SLC9B2: variants seen among roughly 807,000 people sequenced by gnomAD.
The protein encoded by SLC9B2 is solute carrier family 9 member B2.
SLC9B2 carries 39 observed loss-of-function variants against 52.2 expected under a neutral mutation model. The observed-to-expected ratio is 0.75, with a 90% CI of 0.58 to 0.98. SLC9B2 has a LOEUF of 0.98. SLC9B2 is among the 50% of genes least tolerant of loss of function. SLC9B2 has a pLI of 0.00. For missense variants in SLC9B2, 626 were observed against 637.5 expected, an observed-to-expected ratio of 0.98 and a Z score of 0.19; for synonymous variants, 214 against 227.0, an observed-to-expected ratio of 0.94 and a Z score of 0.51.
intron 10 of SLC9B2, 50 bp from the exon 11 acceptor site, chr4:103,028,933 C>G: frequency 7.0e-7 from 1 of 1,423,046 alleles, no homozygotes; most frequent in Non-Finnish European, 9.3e-7. Context: ...AGGAGAGAAA[C>G]TGCATCTCAT....
At chr4:103,073,056 A>G (rs1394062632) in intron 1 of SLC9B2, among the ~76,000 whole-genome samples, 2 of 152,342 alleles carry the variant, frequency 1.3e-5, no homozygotes, top group East Asian at 1.9e-4. Context: ...AGAAGGCACC[A>G]TCTTGCAAGC....
At chr4:103,041,502 C>G (rs1198232551) in intron 9 of SLC9B2, among the ~76,000 whole-genome samples, 1 of 152,104 alleles carries the variant, frequency 6.6e-6, no homozygotes, top group Non-Finnish European at 1.5e-5. Context: ...CCTCCTTTTT[C>G]TTTCTGTGCT....
rs1741998277 is a variant in SLC9B2, at chr4:103,024,052, C to T, written c.*2318G>A. 6.6e-6 allele frequency among the ~76,000 whole-genome samples: 1 copy of T among 152,140 alleles called. No homozygotes were observed. Among genetic ancestry groups the T allele is most frequent in the Admixed American group, 6.5e-5 (1 of 15,270 alleles). On this transcript the variant is annotated 3_prime_UTR_variant, in exon 12 of 12. Transcript: ENST00000394785. ...GGAAGCTGTGCCTAAACTCCACCAC[C>T]CTTGGATTGATTGAGTGCTCCTGCC...
At chr4:103,054,490 T>C (rs1744953272) in intron 4 of SLC9B2, among the ~76,000 whole-genome samples, 1 of 152,160 alleles carries the variant, frequency 6.6e-6, no homozygotes, top group African/African-American at 2.4e-5. Context: ...GATGCAAGGG[T>C]CAGCAAAAAT....
intron 2 of SLC9B2, among the ~76,000 whole-genome samples, chr4:103,066,954 A>C (rs1374578450): frequency 6.6e-6 from 1 of 152,180 alleles, no homozygotes; most frequent in East Asian, 1.9e-4. Flanking sequence ...CTTGGGTTCC[A>C]TCTGCAAGAT....
At chr4:103,070,946 AAAAAAAG>A (rs532204384) in intron 1 of SLC9B2, among the ~76,000 whole-genome samples, 188 of 152,250 alleles carry the variant, frequency 1.2e-3, no homozygotes, top group African/African-American at 4.5e-3. Context: ...AAGACTGTAT[AAAAAAAG>A]AAAAAAGAAA....
At chr4:103,029,713 T>C (rs1310742859) in intron 10 of SLC9B2, among the ~76,000 whole-genome samples, 1 of 152,052 alleles carries the variant, frequency 6.6e-6, no homozygotes, top group African/African-American at 2.4e-5. Flanking sequence ...ACAGCTAAGG[T>C]GACTCCTGAG....
chr4:103,042,838 A>G (rs986590056), intron 9 of SLC9B2, among the ~76,000 whole-genome samples: 14 of 151,754 alleles, frequency 9.2e-5, no homozygotes, highest in Non-Finnish European at 1.2e-4. Flanking sequence ...ATATTTTTAT[A>G]TTTTAACATT....
At chr4:103,068,696 C>A (rs1275025954) in intron 1 of SLC9B2, among the ~76,000 whole-genome samples, 4 of 152,088 alleles carry the variant, frequency 2.6e-5, no homozygotes, top group Non-Finnish European at 2.9e-5. Context: ...GAAACTTACT[C>A]CTAATGCAAC....
At chr4:103,066,636 A>G (rs1746155465) in intron 2 of SLC9B2, 129 bp from the exon 3 acceptor site, 1 of 823,318 alleles carries the variant, frequency 1.2e-6, no homozygotes, top group Non-Finnish European at 1.8e-6. Context: ...TGTAGAAAAA[A>G]CTCACAGCTT....
intron 3 of SLC9B2, among the ~76,000 whole-genome samples, chr4:103,066,097 TG>T (rs1372784730): frequency 6.6e-6 from 1 of 152,222 alleles, no homozygotes; most frequent in Non-Finnish European, 1.5e-5. Context: ...CCCACAATGG[TG>T]GTGACCACAG....
chr4:103,019,488 T>C, downstream of SLC9B2: 1 of 700,936 alleles, frequency 1.4e-6, no homozygotes, highest in Non-Finnish European at 1.8e-6. Context: ...CCCATTGAAC[T>C]GAGGGGGAGG....
chr4:103,056,085 T>C (rs1325693243), intron 4 of SLC9B2, among the ~76,000 whole-genome samples: 1 of 152,036 alleles, frequency 6.6e-6, no homozygotes, highest in Non-Finnish European at 1.5e-5. Flanking sequence ...ATTACAGGCG[T>C]GAGCCACCGC....
In SLC9B2 at chr4:103,073,009, G is replaced by A. The variant is rs915876745; in HGVS notation, c.-43+3175C>T. ...TTCCCTTCCACCATCTGAGAACACA[G>A]CATTAGTCTCTTCCTCCATGTGAAG... On this transcript the variant is annotated intron_variant, in intron 1 of 11. Transcript: ENST00000394785. 1.8e-4 allele frequency among the ~76,000 whole-genome samples: 27 copies of A among 152,106 alleles called. 1 individual carries two copies. The highest frequency in any genetic ancestry group is 6.5e-5 in the Admixed American group (1 of 15,276).
In SLC9B2 at chr4:103,047,183, T is replaced by C. The variant is rs745723774; in HGVS notation, c.757A>G (p.Met253Val). ...AVSPAVVVPS[M>V]LLLQGGGYGV... is the part of the protein sequence containing the mutation. ...TAGCCTCCTCCCTGCAAAAGGAGCA[T>C]TGAAGGCACCACAACAGCTGGAGAT... Residue 253 changes from methionine to valine, a missense_variant, in exon 7 of 12, where the codon ATG becomes GTG. Transcript: ENST00000394785. 3.7e-6 allele frequency: 6 copies of C among 1,613,740 alleles called. No individual in the cohort carries two copies. The African/African-American group carries it at 8.0e-5, about 22-fold the overall frequency.
chr4:103,057,602 C>T (rs565322263), intron 4 of SLC9B2, among the ~76,000 whole-genome samples, 199 bp downstream of exon 4: 25 of 151,994 alleles, frequency 1.6e-4, no homozygotes, highest in Admixed American at 3.3e-4. Context: ...CCACAGCACA[C>T]GGGCCAGGAT....
downstream of SLC9B2, chr4:103,019,644 A>G (rs1484190863): frequency 7.1e-6 from 7 of 985,354 alleles, no homozygotes; most frequent in Non-Finnish European, 8.4e-6. Flanking sequence ...GCGGCCCAGG[A>G]GCCCAGTGAC....
intron 11 of SLC9B2, 33 bp from the exon 12 acceptor site, chr4:103,026,624 G>A: frequency 1.3e-6 from 2 of 1,580,152 alleles, no homozygotes; most frequent in Non-Finnish European, 1.7e-6. Context: ...ATGGAATCAT[G>A]ATAAGATAAG....
chr4:103,030,133 G>A (rs1415436933), intron 10 of SLC9B2, among the ~76,000 whole-genome samples: 1 of 152,120 alleles, frequency 6.6e-6, no homozygotes, highest in Non-Finnish European at 1.5e-5. Context: ...GAGTTTGAAC[G>A]TTAACAGGAC....
Sources: gnomAD v4.1 joint callset for allele counts (sites outside exome capture counted in the v4.1 genomes callset) on GRCh38, gnomAD v4.1.1 for gene constraint, MANE v1.5 for transcripts, NCBI Gene and HGNC (gene_info 2026-07-23, HGNC 2026-07-21) for gene names.